Variants in PDS5B observed in about 807,000 individuals in gnomAD.
PDS5B encodes the protein PDS5 cohesin associated factor B.
A neutral mutation model predicts 184.1 loss-of-function variants in PDS5B; 51 were observed. The ratio of observed to expected loss-of-function variants is 0.28; its 90% CI spans 0.22 to 0.35. The LOEUF (loss-of-function observed/expected upper bound fraction) is 0.35. Among genes scored for constraint, PDS5B ranks in the 10% least tolerant of loss-of-function variants. PDS5B has a pLI of 1.00. For synonymous variants in PDS5B, 566 were observed against 569.2 expected (o/e 0.99, Z 0.08); for missense variants, 1,180 against 1,723.3 (o/e 0.68, Z 5.58).
At chr13:32,592,477 G>A (rs1295668674) in intron 1 of PDS5B, among the ~76,000 whole-genome samples, 1 of 139,188 alleles carries the variant, frequency 7.2e-6, no homozygotes, top group Non-Finnish European at 1.7e-5. Flanking sequence ...GGCTGGTCTC[G>A]AACTCCTGGC....
intron 19 of PDS5B, among the ~76,000 whole-genome samples, chr13:32,717,192 C>T (rs1287172766): frequency 2.0e-5 from 3 of 152,312 alleles, no homozygotes; most frequent in South Asian, 2.1e-4. Context: ...GGGAGGTGTA[C>T]CCAACAGCTC....
At chr13:32,595,739 C>G (rs1431157610) in intron 1 of PDS5B, among the ~76,000 whole-genome samples, 1 of 152,154 alleles carries the variant, frequency 6.6e-6, no homozygotes, top group Non-Finnish European at 1.5e-5. Flanking sequence ...GACACAGAGA[C>G]AAAGGGTCTA....
intron 1 of PDS5B, among the ~76,000 whole-genome samples, chr13:32,587,117 C>A (rs1382885833): frequency 6.7e-6 from 1 of 148,270 alleles, no homozygotes; most frequent in Non-Finnish European, 1.5e-5. Context: ...GCTTCTCCCC[C>A]TTCCGGGCGA....
At chr13:32,615,694 C>T (rs945463512) in intron 1 of PDS5B, among the ~76,000 whole-genome samples, 1 of 152,036 alleles carries the variant, frequency 6.6e-6, no homozygotes, top group Non-Finnish European at 1.5e-5. Flanking sequence ...CCAGCTGTAT[C>T]AAATACAAGT....
intron 15 of PDS5B, among the ~76,000 whole-genome samples, chr13:32,699,383 T>C (rs1450566837): frequency 1.3e-5 from 2 of 152,140 alleles, no homozygotes; most frequent in African/African-American, 2.4e-5. Context: ...TCTTAAATTA[T>C]AAGAGAGCAA....
intron 17 of PDS5B, among the ~76,000 whole-genome samples, 156 bp downstream of exon 17, chr13:32,701,594 A>ATG (rs1232358771): frequency 6.9e-6 from 1 of 144,284 alleles, no homozygotes; most frequent in African/African-American, 2.7e-5. Flanking sequence ...GTATTTGTAT[A>ATG]TGCACACACA....
At chr13:32,685,585 G>C (rs1362363521) in intron 11 of PDS5B, among the ~76,000 whole-genome samples, 1 of 152,064 alleles carries the variant, frequency 6.6e-6, no homozygotes, top group Non-Finnish European at 1.5e-5. Flanking sequence ...TGAAGAAGAG[G>C]GAATTAAGAG....
chr13:32,773,033 G>T (rs973186860), intron 33 of PDS5B, among the ~76,000 whole-genome samples, 156 bp from the exon 34 acceptor site: 1 of 152,142 alleles, frequency 6.6e-6, no homozygotes, highest in Non-Finnish European at 1.5e-5. Context: ...TTAAATGCTG[G>T]TTTAGGATTC....
At chr13:32,680,653 A>G (rs1045336088) in intron 10 of PDS5B, among the ~76,000 whole-genome samples, 1 of 152,290 alleles carries the variant, frequency 6.6e-6, no homozygotes, top group East Asian at 1.9e-4. Flanking sequence ...AATAGGGGCA[A>G]TCTCCTTGAT....
At chr13:32,752,191 C>T (rs1954009284) in intron 24 of PDS5B, among the ~76,000 whole-genome samples, 1 of 152,068 alleles carries the variant, frequency 6.6e-6, no homozygotes, top group Non-Finnish European at 1.5e-5. Flanking sequence ...CAAGGGAGAC[C>T]ACATTCACAT....
intron 12 of PDS5B, 43 bp downstream of exon 12, chr13:32,687,328 A>G (rs773452766): frequency 7.3e-7 from 1 of 1,376,716 alleles, no homozygotes; most frequent in South Asian, 1.3e-5. Flanking sequence ...TTTGAATGTT[A>G]TATAACTTGA....
At chr13:32,615,465 A>T (rs985546280) in intron 1 of PDS5B, among the ~76,000 whole-genome samples, 1 of 152,220 alleles carries the variant, frequency 6.6e-6, no homozygotes, top group African/African-American at 2.4e-5. Flanking sequence ...ATCATAATTT[A>T]TTATATAAAG....
At chr13:32,602,102 T>TA (rs2057984637) in intron 1 of PDS5B, among the ~76,000 whole-genome samples, 2 of 152,176 alleles carry the variant, frequency 1.3e-5, no homozygotes, top group African/African-American at 4.8e-5. Context: ...GTCTTTTTTT[T>TA]AAAATTATAC....
intron 1 of PDS5B, among the ~76,000 whole-genome samples, chr13:32,639,413 G>A (rs2140614675): frequency 1.3e-5 from 2 of 152,180 alleles, no homozygotes; most frequent in Middle Eastern, 6.8e-3. Flanking sequence ...GAACAAATAA[G>A]GAATAACATA....
chr13:32,652,160 TA>T (rs1360034606), intron 3 of PDS5B, 153 bp downstream of exon 3: 3 of 591,428 alleles, frequency 5.1e-6, no homozygotes, highest in Middle Eastern at 3.9e-4. Flanking sequence ...TTTTTTTTTT[TA>T]GAACTTATTT....
chr13:32,771,889 G>C (rs1296429892), intron 33 of PDS5B, among the ~76,000 whole-genome samples: 2 of 151,104 alleles, frequency 1.3e-5, no homozygotes, highest in Non-Finnish European at 2.9e-5. Flanking sequence ...TGATTATTGT[G>C]CTCTCCTAAA....
chr13:32,600,839 T>C (rs116814087), intron 1 of PDS5B, among the ~76,000 whole-genome samples: 311 of 152,376 alleles, frequency 2.0e-3, no homozygotes, highest in African/African-American at 7.3e-3. Flanking sequence ...CTAAAATTGC[T>C]GCTGAGTTCT....
chr13:32,655,383 T>A (rs866669836), intron 3 of PDS5B, among the ~76,000 whole-genome samples: 18,787 of 90,388 alleles, frequency 0.21, 3,024 homozygotes, highest in Non-Finnish European at 0.28. Context: ...TATTTTTTTT[T>A]TTTTTTTTTT....
chr13:32,684,355 T>C (rs1247945726), intron 11 of PDS5B, among the ~76,000 whole-genome samples: 1 of 152,208 alleles, frequency 6.6e-6, no homozygotes, highest in Non-Finnish European at 1.5e-5. Context: ...TGACTCTTCT[T>C]TTTCTTTCTT....
Sources: allele counts gnomAD v4.1 joint callset (sites outside exome capture counted in the v4.1 genomes callset), GRCh38; gene constraint gnomAD v4.1.1; transcripts MANE v1.5; gene names NCBI Gene and HGNC (gene_info 2026-07-23, HGNC 2026-07-21).